Variants in PRKCQ observed in about 807,000 individuals in gnomAD.
PRKCQ encodes protein kinase C theta, also known as protein kinase C theta type.
PRKCQ carries 41 observed loss-of-function variants against 91.2 expected under a neutral mutation model. The ratio of observed to expected loss-of-function variants is 0.45; its 90% CI spans 0.35 to 0.58. The LOEUF is 0.58. Ranked by LOEUF, PRKCQ falls within the 20% of genes least tolerant of loss-of-function variation. PRKCQ has a pLI of 0.00. For missense variants in PRKCQ, 673 were observed against 896.5 expected (o/e 0.75, Z 3.18); for synonymous variants, 307 against 316.9 (o/e 0.97, Z 0.33).
chr10:6,441,756 C>T lies in PRKCQ; in HGVS notation c.1836+137G>A, dbSNP rs117662840. ...ATTGGTGCCTCTATTAAAACACAGA[C>T]GGTGCACATCCCATTTAAACCCAGT... On this transcript the variant is annotated intron_variant, in intron 16 of 17. Transcript: ENST00000263125. The T allele has an allele frequency of 1.6e-3, 1,325 of 828,212 alleles. 3 individuals are homozygous for T. The highest frequency in any genetic ancestry group is 3.0e-3 in the South Asian group (131 of 43,768). 51.3% of individuals were successfully genotyped at this position (828,212 alleles called of 1,614,324 possible).
At chr10:6,462,197 C>T in intron 14 of PRKCQ, 106 bp downstream of exon 14, 1 of 1,020,294 alleles carries the variant, frequency 9.8e-7, no homozygotes, top group South Asian at 1.4e-5. Context: ...GGAGCTTACT[C>T]CCAGGAAATC....
At chr10:6,444,592 T>C (rs1177198870) in intron 15 of PRKCQ, among the ~76,000 whole-genome samples, 1 of 152,040 alleles carries the variant, frequency 6.6e-6, no homozygotes, top group Non-Finnish European at 1.5e-5. Context: ...AATAATAGGA[T>C]TGAGGCACTA....
chr10:6,481,026 G>A (rs762895415), intron 11 of PRKCQ, among the ~76,000 whole-genome samples: 2 of 152,196 alleles, frequency 1.3e-5, no homozygotes, highest in African/African-American at 4.8e-5. Flanking sequence ...GAAAAGACAA[G>A]TTTTGGAGTA....
At chr10:6,560,111 T>G (rs995554880) in intron 1 of PRKCQ, among the ~76,000 whole-genome samples, 4 of 152,226 alleles carry the variant, frequency 2.6e-5, no homozygotes, top group Admixed American at 2.0e-4. Context: ...CAACATTTAG[T>G]GACTGAATAA....
At chr10:6,565,503 C>T (rs1195715274) in intron 1 of PRKCQ, among the ~76,000 whole-genome samples, 1 of 152,178 alleles carries the variant, frequency 6.6e-6, no homozygotes, top group African/African-American at 2.4e-5. Context: ...TTACTTTATT[C>T]ATTTCTAAAA....
chr10:6,459,980 A>G (rs1380872329), intron 14 of PRKCQ, among the ~76,000 whole-genome samples: 2 of 152,268 alleles, frequency 1.3e-5, no homozygotes, highest in African/African-American at 4.8e-5. Flanking sequence ...TTAAAAGTTT[A>G]GGTGAGTCAA....
chr10:6,404,848 CTTCT>C, the PRKCQ span, among the ~76,000 whole-genome samples: 12 of 114,704 alleles, frequency 1.0e-4, no homozygotes, highest in South Asian at 5.7e-4. Context: ...TCTTTCTTTC[CTTCT>C]TTCTTTCTCT....
At chr10:6,413,727 G>GCA in the PRKCQ span, among the ~76,000 whole-genome samples, 11 of 78,984 alleles carry the variant, frequency 1.4e-4, 3 homozygotes, top group African/African-American at 2.4e-4. Flanking sequence ...CCACTTGTGC[G>GCA]CGCGCACACA....
chr10:6,580,182 C>A, intron 1 of PRKCQ, 29 bp downstream of exon 1: 1 of 153,074 alleles, frequency 6.5e-6, no homozygotes, highest in South Asian at 2.0e-4. Context: ...CGCTCCCTCC[C>A]GGCGGCGGCG....
At chr10:6,409,837 A>C in the PRKCQ span, among the ~76,000 whole-genome samples, 2 of 152,242 alleles carry the variant, frequency 1.3e-5, no homozygotes, top group African/African-American at 2.4e-5. Flanking sequence ...TTAAGATAGC[A>C]AGCTAAGATA....
the PRKCQ span, among the ~76,000 whole-genome samples, chr10:6,416,196 C>CT: frequency 7.8e-4 from 118 of 151,948 alleles, 1 homozygote; most frequent in African/African-American, 2.8e-3. Flanking sequence ...AAAGATTCTT[C>CT]TTTTTTTAAA....
rs1423016160 is a variant in PRKCQ at position 6,467,240 on chromosome 10, C to T, written c.1354-2836G>A. Among the ~76,000 whole-genome samples the T allele has an allele frequency of 4.6e-5, 7 of 152,086 alleles. No homozygotes were observed. The South Asian group carries it at 8.3e-4, about 18-fold the overall frequency. ...AAAGAAGAAAACAGAATTAGATTCC[C>T]TCCTGGGCTGCCGTTTAGGTTCTGG... is the stretch of plus-strand genomic sequence containing the variant. On this transcript the variant is annotated intron_variant, in intron 12 of 17. Coordinates refer to ENST00000263125, the MANE Select transcript of PRKCQ (RefSeq NM_006257.5).
At chr10:6,524,858 G>C (rs1005189137) in intron 1 of PRKCQ, among the ~76,000 whole-genome samples, 1 of 152,206 alleles carries the variant, frequency 6.6e-6, no homozygotes, top group African/African-American at 2.4e-5. Flanking sequence ...CAGTCTCTGT[G>C]AGGTGCCTCC....
Position 6,498,455 on chromosome 10 carries a change from C to G in PRKCQ, c.483G>C (p.Glu161Asp). Residue 161 changes from glutamate (E) to aspartate (D), a missense_variant, in exon 5 of 18, where the codon GAG becomes GAC. Transcript: ENST00000263125. ...QAKVHHVKCHEFTATFFPQPT... is the reference protein window; with the variant it reads ...QAKVHHVKCHDFTATFFPQPT... ...GCTGTGGGAAGAAGGTGGCAGTGAA[C>G]TCGTGGCACTTGACGTGGTGGACCT... 1 of 1,614,198 alleles carries G rather than the reference C, an allele frequency of 6.2e-7. No individual in the cohort carries two copies.
chr10:6,501,227 C>T (rs1462553377), intron 4 of PRKCQ, among the ~76,000 whole-genome samples: 1 of 151,118 alleles, frequency 6.6e-6, no homozygotes, highest in Non-Finnish European at 1.5e-5. Context: ...ATATAAACTA[C>T]TTTTTAAAGG....
chr10:6,535,402 G>A (rs1170439478), intron 1 of PRKCQ, among the ~76,000 whole-genome samples: 1 of 152,068 alleles, frequency 6.6e-6, no homozygotes, highest in Non-Finnish European at 1.5e-5. Context: ...ATTTGTTTAG[G>A]TGAGGGAATA....
chr10:6,503,321 G>GAT (rs1838018721), intron 4 of PRKCQ, among the ~76,000 whole-genome samples: 1 of 152,202 alleles, frequency 6.6e-6, no homozygotes, highest in South Asian at 2.1e-4. Context: ...TCTGAGTGAT[G>GAT]ATATGTGGGT....
chr10:6,550,509 A>G (rs1030282969), intron 1 of PRKCQ, among the ~76,000 whole-genome samples: 10 of 152,120 alleles, frequency 6.6e-5, no homozygotes, highest in African/African-American at 2.4e-4. Context: ...CCTGGCCTCA[A>G]GTGATCAGCC....
intron 16 of PRKCQ, among the ~76,000 whole-genome samples, chr10:6,437,123 T>C (rs1221234229): frequency 6.6e-6 from 1 of 152,176 alleles, no homozygotes; most frequent in Non-Finnish European, 1.5e-5. Flanking sequence ...TTTTTTCCAG[T>C]GGGTTTTGCT....
Sources: gnomAD v4.1 joint callset for allele counts (sites outside exome capture counted in the v4.1 genomes callset) on GRCh38, gnomAD v4.1.1 for gene constraint, MANE v1.5 for transcripts, NCBI Gene and HGNC (gene_info 2026-07-23, HGNC 2026-07-21) for gene names.